Variants in TNP2 observed in about 807,000 individuals in gnomAD.
The protein encoded by TNP2 is transition protein 2.
In TNP2, 10 loss-of-function variants were observed where a neutral mutation model predicts 8.5. The observed-to-expected ratio is 1.17, with a 90% confidence interval of 0.72 to 1.99. The LOEUF is 1.99. TNP2 is among the 30% of genes most tolerant of loss of function. The pLI, the probability that TNP2 is intolerant of heterozygous loss-of-function variation, is 0.00. For missense variants in TNP2, 222 were observed against 181.2 expected (o/e 1.23, Z -1.29); for synonymous variants, 80 against 62.3 (o/e 1.28, Z -1.34).
intron 1 of TNP2, 52 bp from the exon 2 acceptor site, chr16:11,268,064 G>C: frequency 6.3e-7 from 1 of 1,579,124 alleles, no homozygotes; most frequent in Non-Finnish European, 8.7e-7. Context: ...ACTTCATGAA[G>C]TCAGTGACCT....
chr16:11,268,626 C>G, intron 1 of TNP2: 1 of 485,540 alleles, frequency 2.1e-6, no homozygotes, highest in Non-Finnish European at 3.6e-6. Flanking sequence ...TTTCATCTAG[C>G]TTATCTGCTA....
In TNP2 at chr16:11,268,008, C is replaced by T; in HGVS notation, c.405G>A (p.Trp135Ter). ...VYKTKTRSSGWKSN is the reference protein window; with the variant it reads ...VYKTKTRSSG ...GAGTGCGGTCTCATTAGTTGGATTT[C>T]CATCCTAAGGGATAAGAGTGGGAAA... Residue 135 changes from tryptophan (W) to a stop codon, truncating the protein, a stop_gained, in exon 2 of 2, where the codon TGG becomes TGA. Transcript: ENST00000312693. LOFTEE classifies it high-confidence loss of function. The T allele has an allele frequency of 1.2e-6, 2 of 1,612,392 alleles. No homozygotes were observed. Among genetic ancestry groups the T allele is most frequent in the Non-Finnish European group, 8.5e-7 (1 of 1,179,294 alleles).
Position 11,268,845 on chromosome 16 carries a change from C to T in TNP2, c.400+18G>A, listed in dbSNP as rs1356545369. The T allele has an allele frequency of 1.2e-5, 19 of 1,531,074 alleles. No individual in the cohort carries two copies. In the East Asian group the frequency reaches 4.3e-4, roughly 35 times the overall value. 94.8% of individuals were successfully genotyped at this position (1,531,074 alleles called of 1,614,324 possible). A position where few individuals can be genotyped will look rare whatever the true frequency, so the allele number is the denominator to read the frequency against. On this transcript the variant is annotated intron_variant, in intron 1 of 1. Coordinates refer to ENST00000312693, the MANE Select transcript of TNP2 (RefSeq NM_005425.5). ...ATCTGTGGGCTCGGTGGCCCTTCCC[C>T]ACCTCCTTAAAGGGTACCTGAGCTC...
Position 11,268,874 on chromosome 16 carries a change from G to A in TNP2, c.389C>T (p.Thr130Met), listed in dbSNP as rs367567297. ...KRIQQVYKTK[T>M]RSSGWKSN ...TCCTTAAAGGGTACCTGAGCTCCGCGTCTTGGTTTTGTACACCTGCTGGAT... is the reference window on the plus strand; with the variant it reads ...TCCTTAAAGGGTACCTGAGCTCCGCATCTTGGTTTTGTACACCTGCTGGAT... The change falls in exon 1 of 2, where the codon ACG becomes ATG. Residue 130 changes from threonine to methionine, a missense_variant. By Grantham distance (81) the Thr-to-Met change is moderately conservative. Coordinates refer to ENST00000312693, the MANE Select transcript of TNP2 (RefSeq NM_005425.5). 46 of 1,584,732 alleles carry A rather than the reference G, an allele frequency of 2.9e-5. No homozygotes were observed. Among genetic ancestry groups the A allele is most frequent in the Middle Eastern group, 1.7e-4 (1 of 5,904 alleles).
In TNP2 at chr16:11,268,926, G is replaced by T. The variant is rs1441342283; in HGVS notation, c.337C>A (p.Leu113Met). The change falls in exon 1 of 2, where the codon CTG (leucine) becomes ATG (methionine). Residue 113 changes from leucine to methionine, a missense_variant. Physicochemically the swap from Leu to Met is conservative, Grantham distance 15. Transcript: ENST00000312693. ...PKNRKNLEGK[L>M]KKKKMAKRIQ... ...CTCTTGGCCATTTTTTTCTTTTTCA[G>T]CTTGCCTTCCAAGTTCTTTCTGTTC... 1.1e-5 allele frequency: 17 copies of T among 1,602,448 alleles called. No individual in the cohort carries two copies. The Admixed American group carries it at 1.4e-4, about 13-fold the overall frequency.
In TNP2 at chr16:11,267,999, G is replaced by A; in HGVS notation, c.414C>T (p.Asn138=). Residue 138 remains asparagine (N), a synonymous_variant, in exon 2 of 2, where the codon AAC becomes AAT. Transcript: ENST00000312693. ...CAAGCCAAGGAGTGCGGTCTCATTAGTTGGATTTCCATCCTAAGGGATAAG... is the reference window on the plus strand; with the variant it reads ...CAAGCCAAGGAGTGCGGTCTCATTAATTGGATTTCCATCCTAAGGGATAAG... ...TKTRSSGWKS[N] 10 of 1,612,420 alleles carry A rather than the reference G, an allele frequency of 6.2e-6. No homozygotes were observed. The highest frequency in any genetic ancestry group is 8.5e-6 in the Non-Finnish European group (10 of 1,179,292).
At chr16:11,268,086 T>C in intron 1 of TNP2, 74 bp from the exon 2 acceptor site, 1 of 1,421,378 alleles carries the variant, frequency 7.0e-7, no homozygotes, top group Admixed American at 1.8e-5. Context: ...CTTGACCTCC[T>C]GTAAGGTCTT....
Position 11,268,893 on chromosome 16 carries a change from G to A in TNP2, c.370C>T (p.Gln124Ter), listed in dbSNP as rs756707138. The change falls in exon 1 of 2, where the codon CAG becomes TAG. Residue 124 changes from glutamine to a stop codon, truncating the protein, a stop_gained. Transcript: ENST00000312693. LOFTEE classifies it high-confidence loss of function. The stretch of plus-strand genomic sequence containing the variant: ...CTCCGCGTCTTGGTTTTGTACACCT[G>A]CTGGATCCTCTTGGCCATTTTTTTC... ...KKKKMAKRIQ[Q>*]VYKTKTRSSG... 3.1e-6 allele frequency: 5 copies of A among 1,602,052 alleles called. No homozygotes were observed. Among genetic ancestry groups the A allele is most frequent in the African/African-American group, 2.7e-5 (2 of 73,916 alleles).
intron 1 of TNP2, chr16:11,268,576 C>A (rs2069740857): frequency 2.3e-6 from 1 of 434,828 alleles, no homozygotes; most frequent in African/African-American, 2.0e-5. Flanking sequence ...TATTGTTTAC[C>A]CACCCAGTCA....
rs749635160 is a variant in TNP2, at chr16:11,269,225, G to A, written c.38C>T (p.Thr13Ile). ...TQTHSLPITH[T>I]QLHSNSQPQS... ...GGGCTGAGAGTTGCTATGGAGCTGA[G>A]TGTGGGTGATAGGAAGGCTGTGAGT... is the stretch of plus-strand genomic sequence containing the variant. The change falls in exon 1 of 2, where the codon ACT (threonine) becomes ATT (isoleucine). Residue 13 changes from threonine to isoleucine, a missense_variant. Thr to Ile is a moderately conservative substitution (Grantham distance 89). Coordinates refer to ENST00000312693, the MANE Select transcript of TNP2 (RefSeq NM_005425.5). 4 of 1,606,220 alleles carry A rather than the reference G, an allele frequency of 2.5e-6. No homozygotes were observed. Among genetic ancestry groups the A allele is most frequent in the Non-Finnish European group, 3.4e-6 (4 of 1,179,830 alleles).
In TNP2 at chr16:11,268,018, G is replaced by C; in HGVS notation, c.401-6C>G. On this transcript the variant is annotated splice_polypyrimidine_tract_variant and splice_region_variant and intron_variant, in intron 1 of 1. Transcript: ENST00000312693. The stretch of plus-strand genomic sequence containing the variant: ...TCATTAGTTGGATTTCCATCCTAAG[G>C]GATAAGAGTGGGAAAGGAACCTTTA... 1 of 1,612,418 alleles carries C rather than the reference G, an allele frequency of 6.2e-7. No homozygotes were observed. The highest frequency in any genetic ancestry group is 1.1e-5 in the South Asian group (1 of 90,506).
At position 11,268,930 on chromosome 16, in the gene TNP2, G is replaced by T. The variant is rs768584422; in HGVS notation, c.333C>A (p.Gly111=). Reference sequence around the variant, plus strand: ...TGGCCATTTTTTTCTTTTTCAGCTTGCCTTCCAAGTTCTTTCTGTTCTTGG... The same window carrying T: ...TGGCCATTTTTTTCTTTTTCAGCTTTCCTTCCAAGTTCTTTCTGTTCTTGG... ...RCPKNRKNLE[G]KLKKKKMAKR... Residue 111 remains glycine (G), a synonymous_variant, in exon 1 of 2, where the codon GGC becomes GGA. Coordinates refer to ENST00000312693, the MANE Select transcript of TNP2 (RefSeq NM_005425.5). 7 of 1,607,638 alleles carry T rather than the reference G, an allele frequency of 4.4e-6. No homozygotes were observed. The South Asian group carries it at 7.8e-5, about 18-fold the overall frequency.
At chr16:11,268,176 C>T in intron 1 of TNP2, 164 bp from the exon 2 acceptor site, 2 of 592,624 alleles carry the variant, frequency 3.4e-6, no homozygotes, top group Non-Finnish European at 6.0e-6. Flanking sequence ...CTATGTGAAT[C>T]CAGGTATCCA....
intron 1 of TNP2, 138 bp downstream of exon 1, chr16:11,268,725 C>T: frequency 1.1e-6 from 1 of 909,424 alleles, no homozygotes; most frequent in Non-Finnish European, 1.6e-6. Context: ...AGCCAACTGC[C>T]ATTGTTTCTC....
Position 11,269,295 on chromosome 16 carries a change from C to A in TNP2, c.-33G>T. The A allele has an allele frequency of 6.3e-7, 1 of 1,574,936 alleles. No individual in the cohort carries two copies. The highest frequency in any genetic ancestry group is 8.6e-7 in the Non-Finnish European group (1 of 1,166,456). ...CACGTTTGGAGGGGCAGGGCCTCCT[C>A]CTCATCCTCTCCCAGCAGGCCTAGC... On this transcript the variant is annotated 5_prime_UTR_variant, in exon 1 of 2. Transcript: ENST00000312693.
In TNP2 at chr16:11,269,316, C is replaced by A; in HGVS notation, c.-54G>T. The stretch of plus-strand genomic sequence containing the variant: ...TCCTCCTCATCCTCTCCCAGCAGGC[C>A]TAGCTTTACAGAGGCCCTGGCAGCC... On this transcript the variant is annotated 5_prime_UTR_variant, in exon 1 of 2. The change creates a new upstream start codon in the 5' untranslated region. Coordinates refer to ENST00000312693, the MANE Select transcript of TNP2 (RefSeq NM_005425.5). The A allele has an allele frequency of 1.3e-6, 2 of 1,550,308 alleles. No individual in the cohort carries two copies. Among genetic ancestry groups the A allele is most frequent in the South Asian group, 1.2e-5 (1 of 82,210 alleles).
At chr16:11,268,424 T>C in intron 1 of TNP2, 1 of 302,236 alleles carries the variant, frequency 3.3e-6, no homozygotes. Flanking sequence ...ACCACAATCT[T>C]CAAACTGATC....
At chr16:11,268,703 A>T in intron 1 of TNP2, 160 bp downstream of exon 1, 1 of 740,756 alleles carries the variant, frequency 1.3e-6, no homozygotes, top group Non-Finnish European at 2.1e-6. Context: ...TCAATGTATC[A>T]TACATTCAGC....
Position 11,269,174 on chromosome 16 carries a change from C to T in TNP2, c.89G>A (p.Cys30Tyr). The change falls in exon 1 of 2, where the codon TGC (cysteine) becomes TAC (tyrosine). Residue 30 changes from cysteine to tyrosine, a missense_variant. By Grantham distance (194) the Cys-to-Tyr change is radical. Coordinates refer to ENST00000312693, the MANE Select transcript of TNP2 (RefSeq NM_005425.5). ...TCTGCAACTCTGGCTGAAGGTTTGG[C>T]AATGGCGGGTGCAGGTGCGGCTTTG... ...QPQSRTCTRH[C>Y]QTFSQSCRQS... The T allele has an allele frequency of 6.2e-7, 1 of 1,613,296 alleles. No homozygotes were observed. The highest frequency in any genetic ancestry group is 8.5e-7 in the Non-Finnish European group (1 of 1,179,888).
Sources: gnomAD v4.1 joint callset for allele counts on GRCh38, gnomAD v4.1.1 for gene constraint, MANE v1.5 for transcripts, NCBI Gene and HGNC (gene_info 2026-07-23, HGNC 2026-07-21) for gene names.